Variants in ZNF329 observed in about 807,000 individuals in gnomAD.
ZNF329 encodes zinc finger protein 329.
A neutral mutation model predicts 26.6 loss-of-function variants in ZNF329; 15 were observed. That is an observed-to-expected ratio of 0.56 (90% CI 0.38 to 0.87). The LOEUF is 0.87. ZNF329 is among the 40% of genes least tolerant of loss of function. The pLI is 0.00. For synonymous variants in ZNF329, 239 were observed against 233.5 expected (o/e 1.02, Z -0.21); for missense variants, 651 against 651.9 (o/e 1.00, Z 0.02).
At position 58,142,556 on chromosome 19, in the gene ZNF329, C is replaced by T. The variant is rs968484239; in HGVS notation, c.-9+1G>A. ...GTAGACTTCCATTCCCTGGTACTCA[C>T]CTCTGAAAGGCAGAGGGATCCATTC... is the stretch of plus-strand genomic sequence containing the variant. On this transcript the variant is annotated splice_donor_variant, in intron 3 of 3. Transcript: ENST00000598312. LOFTEE classifies it low-confidence loss of function (5UTR_SPLICE). 1.3e-5 allele frequency: 2 copies of T among 152,640 alleles called. No individual in the cohort carries two copies. The highest frequency in any genetic ancestry group is 6.5e-5 in the Admixed American group (1 of 15,270). The allele number at this position is 152,640 out of a possible 1,614,324, so 9.5% of individuals were successfully genotyped here.
Position 58,127,983 on chromosome 19 carries a change from C to G in ZNF329, c.1521G>C (p.Arg507Ser). The change falls in exon 4 of 4, where the codon AGG (arginine) becomes AGC (serine). Residue 507 changes from arginine to serine, a missense_variant. Transcript: ENST00000598312. ...ACTGAGGACACCGGCTGGGACCCTC[C>G]CTGCTATGGAGTCTCTGATGTACTG... ...HLAVHQRLHS[R>S]EGPSRCPQCG... The G allele has an allele frequency of 6.2e-7, 1 of 1,614,022 alleles. No homozygotes were observed. Among genetic ancestry groups the G allele is most frequent in the Non-Finnish European group, 8.5e-7 (1 of 1,179,992 alleles).
chr19:58,148,395 A>AT (rs2075374516), intron 1 of ZNF329, among the ~76,000 whole-genome samples: 1 of 145,430 alleles, frequency 6.9e-6, no homozygotes, highest in Non-Finnish European at 1.5e-5. Flanking sequence ...ATCAATTAAA[A>AT]AAAAAAAAAA....
Position 58,150,747 on chromosome 19 carries a change from C to T in ZNF329, c.-208+5G>A, listed in dbSNP as rs750193249. 3 of 152,724 alleles carry T rather than the reference C, an allele frequency of 2.0e-5. No homozygotes were observed. The highest frequency in any genetic ancestry group is 1.3e-4 in the Admixed American group (2 of 15,292). The allele number at this position is 152,724 out of a possible 1,614,324, so 9.5% of individuals were successfully genotyped here. A position where few individuals can be genotyped will look rare whatever the true frequency, so the allele number is the denominator to read the frequency against. On this transcript the variant is annotated splice_donor_5th_base_variant and intron_variant, in intron 1 of 3. Transcript: ENST00000598312. ...CGCAGGGCTCAGGGATGCGTCGGCA[C>T]TTACGGTTGGCGGCCGGCGGCAGCC...
intron 3 of ZNF329, 141 bp downstream of exon 3, chr19:58,142,416 T>C (rs1348434854): frequency 6.5e-6 from 1 of 152,688 alleles, no homozygotes; most frequent in East Asian, 1.9e-4. Flanking sequence ...AGAGTAAGTA[T>C]GTGTCGAGTC....
chr19:58,133,143 G>A (rs2074986144), intron 3 of ZNF329, among the ~76,000 whole-genome samples: 2 of 152,192 alleles, frequency 1.3e-5, no homozygotes, highest in Non-Finnish European at 2.9e-5. Flanking sequence ...GCAGAGAGAA[G>A]AGAAACCACC....
In ZNF329 at chr19:58,126,558, A is replaced by C. The variant is rs992386299; in HGVS notation, c.*1320T>G. 3 of 152,214 alleles carry C rather than the reference A, an allele frequency of 2.0e-5. No homozygotes were observed. Among genetic ancestry groups the C allele is most frequent in the African/African-American group, 7.2e-5 (3 of 41,450 alleles). 9.4% of individuals were successfully genotyped at this position (152,214 alleles called of 1,614,324 possible). A position where few individuals can be genotyped will look rare whatever the true frequency, so the allele number is the denominator to read the frequency against. ...CAACCATGGAGGTAGTGGTGGGGTG[A>C]TAACATAAACATAACAACTCAGTAT... On this transcript the variant is annotated 3_prime_UTR_variant, in exon 4 of 4. Transcript: ENST00000598312.
chr19:58,155,030 C>G (rs1166379855), upstream of ZNF329: 4 of 152,286 alleles, frequency 2.6e-5, no homozygotes, highest in Non-Finnish European at 5.9e-5. Flanking sequence ...CACTCGGCCC[C>G]GTTCTATCCC....
intron 3 of ZNF329, among the ~76,000 whole-genome samples, chr19:58,131,340 AG>A (rs1416436100): frequency 6.6e-6 from 1 of 151,778 alleles, no homozygotes; most frequent in Non-Finnish European, 1.5e-5. Flanking sequence ...GAGCCCACAC[AG>A]AAGGCTGAGG....
chr19:58,130,577 G>C (rs2074915682), intron 3 of ZNF329, among the ~76,000 whole-genome samples: 1 of 151,596 alleles, frequency 6.6e-6, no homozygotes, highest in Non-Finnish European at 1.5e-5. Flanking sequence ...GGGAGGCTGA[G>C]GCAGGAGAAT....
At chr19:58,139,742 G>T (rs75016464) in intron 3 of ZNF329, among the ~76,000 whole-genome samples, 1 of 152,116 alleles carries the variant, frequency 6.6e-6, no homozygotes, top group East Asian at 1.9e-4. Context: ...TTTCCCCAAA[G>T]AAGTCATACA....
chr19:58,134,514 T>C lies in ZNF329; in HGVS notation c.-8-5003A>G, dbSNP rs149130133. Among the ~76,000 whole-genome samples, 983 of 152,206 alleles carry C rather than the reference T, an allele frequency of 6.5e-3. 3 individuals are homozygous for C. Among genetic ancestry groups the C allele is most frequent in the Non-Finnish European group, 0.01 (700 of 67,990 alleles). ...CAGGTATTCCTAAAGCAAAAGGACATAAAAGCCAAAAGTGAAAGGATGGGA... is the reference window on the plus strand; with the variant it reads ...CAGGTATTCCTAAAGCAAAAGGACACAAAAGCCAAAAGTGAAAGGATGGGA... On this transcript the variant is annotated intron_variant, in intron 3 of 3. Coordinates refer to ENST00000598312, the MANE Select transcript of ZNF329 (RefSeq NM_024620.4).
At position 58,127,991 on chromosome 19, in the gene ZNF329, G is replaced by C; in HGVS notation, c.1513C>G (p.His505Asp). The change falls in exon 4 of 4, where the codon CAT becomes GAT. Residue 505 changes from histidine (H) to aspartate (D), a missense_variant. His to Asp is a moderately conservative substitution (Grantham distance 81, BLOSUM62 -1). Transcript: ENST00000598312. ...NSHLAVHQRLHSREGPSRCPQ... is the reference protein window; with the variant it reads ...NSHLAVHQRLDSREGPSRCPQ... The stretch of plus-strand genomic sequence containing the variant: ...CACCGGCTGGGACCCTCCCTGCTAT[G>C]GAGTCTCTGATGTACTGCCAGGTGA... 6.2e-7 allele frequency: 1 copy of C among 1,614,058 alleles called. No homozygotes were observed.
chr19:58,135,139 G>A (rs753657967), intron 3 of ZNF329, among the ~76,000 whole-genome samples: 5 of 152,038 alleles, frequency 3.3e-5, no homozygotes, highest in Non-Finnish European at 7.3e-5. Context: ...TATAATGGGG[G>A]TCTCAGTATG....
Position 58,129,017 on chromosome 19 carries a change from CAA to C in ZNF329, c.485_486del (p.Leu162ArgfsTer14). 6.2e-7 allele frequency: 1 copy of C among 1,613,490 alleles called. No individual in the cohort carries two copies. On this transcript the variant is annotated frameshift_variant, in exon 4 of 4. Transcript: ENST00000598312. LOFTEE classifies it high-confidence loss of function. ...CCTCTTTTCATTATTTTCTGATGAC[CAA>C]GAGAGGTAAAATGATTAAAAGACTT... is the stretch of plus-strand genomic sequence containing the variant. ...SVKSFNHFTS[L>X]GHQKIMKRGK...
Position 58,128,557 on chromosome 19 carries a change from C to G in ZNF329, c.947G>C (p.Arg316Thr), listed in dbSNP as rs1231723862. 1.9e-6 allele frequency: 3 copies of G among 1,614,062 alleles called. No individual in the cohort carries two copies. Among genetic ancestry groups the G allele is most frequent in the Non-Finnish European group, 8.5e-7 (1 of 1,179,974 alleles). ...QRTHTGEKPY[R>T]CNECGKPFTD... ...GAAGGGTTTCCCACATTCGTTACAT[C>G]TATATGGTTTTTCCCCTGTATGAGT... The change falls in exon 4 of 4, where the codon AGA becomes ACA. Residue 316 changes from arginine to threonine, a missense_variant. Arg to Thr is a moderately conservative substitution (Grantham distance 71). Transcript: ENST00000598312.
At chr19:58,144,375 T>G (rs1329056432) in intron 1 of ZNF329, among the ~76,000 whole-genome samples, 1 of 83,614 alleles carries the variant, frequency 1.2e-5, no homozygotes, top group Admixed American at 1.3e-4. Context: ...TATCTATCTA[T>G]CTATCTATAT....
intron 3 of ZNF329, among the ~76,000 whole-genome samples, chr19:58,138,043 G>A (rs1407855277): frequency 1.3e-5 from 2 of 152,060 alleles, no homozygotes; most frequent in East Asian, 1.9e-4. Context: ...TTGTCAGACA[G>A]GGGTTTAACT....
At chr19:58,146,752 T>G (rs1264667459) in intron 1 of ZNF329, among the ~76,000 whole-genome samples, 1 of 152,022 alleles carries the variant, frequency 6.6e-6, no homozygotes, top group Admixed American at 6.6e-5. Context: ...GGGGTTTCGC[T>G]GTGTTGGCCA....
intron 1 of ZNF329, among the ~76,000 whole-genome samples, chr19:58,144,717 A>T (rs1323827808): frequency 8.3e-5 from 11 of 131,752 alleles, no homozygotes; most frequent in East Asian, 2.1e-4. Context: ...TTTTTTTTTT[A>T]AAGAGACAGA....
Sources: allele counts gnomAD v4.1 joint callset (sites outside exome capture counted in the v4.1 genomes callset), GRCh38; gene constraint gnomAD v4.1.1; transcripts MANE v1.5; gene names NCBI Gene and HGNC (gene_info 2026-07-23, HGNC 2026-07-21).